The following ARMC9 variants were observed in gnomAD, a reference collection of about 807,000 sequenced individuals.
The protein encoded by ARMC9 is lisH domain-containing protein ARMC9.
Under a neutral mutation model 107.0 loss-of-function variants are expected in ARMC9, and 94 were observed. The observed-to-expected ratio is 0.88, with a 90% confidence interval of 0.74 to 1.04. The LOEUF is 1.04. Among genes scored for constraint, ARMC9 ranks in the 50% least tolerant of loss-of-function variants. ARMC9 has a pLI of 0.00. For missense variants in ARMC9, 942 were observed against 1,030.1 expected, an observed-to-expected ratio of 0.91 and a Z score of 1.17; for synonymous variants, 380 against 396.9, an observed-to-expected ratio of 0.96 and a Z score of 0.51.
intron 20 of ARMC9, among the ~76,000 whole-genome samples, chr2:231,335,075 C>T (rs1475009513): frequency 6.6e-6 from 1 of 152,162 alleles, no homozygotes; most frequent in African/African-American, 2.4e-5. Flanking sequence ...TTTGAGTGAA[C>T]CTGTGCCATC....
chr2:231,282,179 C>T, intron 17 of ARMC9, 46 bp downstream of exon 17: 1 of 1,587,938 alleles, frequency 6.3e-7, no homozygotes, highest in Non-Finnish European at 8.6e-7. Context: ...TTTAGTGCCA[C>T]AGTTCAGAGC....
chr2:231,229,649 G>C (rs984519103), intron 7 of ARMC9, among the ~76,000 whole-genome samples: 1 of 152,162 alleles, frequency 6.6e-6, no homozygotes, highest in African/African-American at 2.4e-5. Flanking sequence ...ATTTTAAAAA[G>C]TAATGACTCA....
chr2:231,281,932 G>T, intron 16 of ARMC9, 127 bp from the exon 17 acceptor site: 4 of 823,324 alleles, frequency 4.9e-6, no homozygotes, highest in Non-Finnish European at 8.2e-6. Flanking sequence ...TGGAGCACAG[G>T]AGAGCTGCGA....
At chr2:231,254,233 T>C (rs2037553643) in intron 9 of ARMC9, among the ~76,000 whole-genome samples, 1 of 152,200 alleles carries the variant, frequency 6.6e-6, no homozygotes, top group South Asian at 2.1e-4. Context: ...GTAGACCTTC[T>C]TAAGCAAGAC....
intron 7 of ARMC9, among the ~76,000 whole-genome samples, chr2:231,229,271 G>C (rs528487416): frequency 1.3e-5 from 2 of 152,242 alleles, no homozygotes; most frequent in Non-Finnish European, 1.5e-5. Flanking sequence ...AATAACCAAA[G>C]GCACAGACAT....
chr2:231,274,351 T>G (rs2039590343), intron 14 of ARMC9, among the ~76,000 whole-genome samples: 1 of 151,944 alleles, frequency 6.6e-6, no homozygotes, highest in Admixed American at 6.6e-5. Flanking sequence ...CTCCTAACCT[T>G]GTGATCCACC....
chr2:231,208,027 A>T (rs1433916337), intron 2 of ARMC9, 100 bp from the exon 3 acceptor site: 2 of 610,786 alleles, frequency 3.3e-6, no homozygotes, highest in Non-Finnish European at 5.7e-6. Flanking sequence ...GGTCTTTTTA[A>T]TGTCTTCTTT....
intron 11 of ARMC9, among the ~76,000 whole-genome samples, chr2:231,260,687 C>T (rs546274300): frequency 3.9e-5 from 6 of 152,240 alleles, no homozygotes; most frequent in South Asian, 2.1e-4. Context: ...CCACGGTGGC[C>T]GTTTCCTCCC....
At chr2:231,272,830 G>A in intron 13 of ARMC9, 125 bp from the exon 14 acceptor site, 1 of 1,297,334 alleles carries the variant, frequency 7.7e-7, no homozygotes, top group South Asian at 1.4e-5. Context: ...AAGTTTTTTA[G>A]AACATAAAAT....
At chr2:231,239,460 C>G (rs1416620330) in intron 8 of ARMC9, among the ~76,000 whole-genome samples, 3 of 152,206 alleles carry the variant, frequency 2.0e-5, no homozygotes, top group Non-Finnish European at 4.4e-5. Context: ...CTAGGCATAT[C>G]TGTGACCTCA....
chr2:231,330,681 G>A (rs2043670373), intron 19 of ARMC9, among the ~76,000 whole-genome samples: 1 of 152,194 alleles, frequency 6.6e-6, no homozygotes, highest in South Asian at 2.1e-4. Flanking sequence ...TACAGCTGGG[G>A]CTCCTGAGGC....
chr2:231,278,303 T>G, intron 15 of ARMC9, 79 bp from the exon 16 acceptor site: 1 of 1,426,342 alleles, frequency 7.0e-7, no homozygotes, highest in African/African-American at 1.4e-5. Flanking sequence ...AGCCAAGATT[T>G]GTCTCCAAGT....
intron 5 of ARMC9, 116 bp downstream of exon 5, chr2:231,216,909 G>T: frequency 8.0e-7 from 1 of 1,251,042 alleles, no homozygotes; most frequent in South Asian, 1.6e-5. Flanking sequence ...GCTTACATTA[G>T]TATTATTTTT....
chr2:231,320,746 A>T (rs56388627), intron 19 of ARMC9, among the ~76,000 whole-genome samples: 17,752 of 151,992 alleles, frequency 0.12, 2,174 homozygotes, highest in East Asian at 0.31. Flanking sequence ...AGGTGAGCTG[A>T]TGGTCACAGC....
chr2:231,352,654 G>T (rs984341692), intron 21 of ARMC9, among the ~76,000 whole-genome samples: 1 of 127,106 alleles, frequency 7.9e-6, no homozygotes, highest in African/African-American at 3.4e-5. Context: ...ATAATCAGAT[G>T]TTCACAGGAT....
intron 9 of ARMC9, among the ~76,000 whole-genome samples, chr2:231,241,994 C>T (rs984790972): frequency 6.6e-6 from 1 of 152,188 alleles, no homozygotes; most frequent in Non-Finnish European, 1.5e-5. Context: ...ATATGTGCTG[C>T]ATATGCAGGC....
chr2:231,239,441 T>C (rs557980556), intron 8 of ARMC9, among the ~76,000 whole-genome samples: 15 of 152,202 alleles, frequency 9.9e-5, no homozygotes, highest in Non-Finnish European at 2.2e-4. Context: ...CCAAGCCACC[T>C]GTCATGTGCT....
At chr2:231,345,339 G>A (rs1402917209) in intron 21 of ARMC9, 7 of 571,234 alleles carry the variant, frequency 1.2e-5, no homozygotes, top group Non-Finnish European at 2.7e-6. Flanking sequence ...GACAAATGTT[G>A]GCCAGAGTAA....
Position 231,321,521 on chromosome 2 carries a change from C to T in ARMC9, c.1774-10272C>T, listed in dbSNP as rs1330266133. Among the ~76,000 whole-genome samples, 6 of 152,026 alleles carry T rather than the reference C, an allele frequency of 3.9e-5. No homozygotes were observed. The East Asian group carries it at 1.2e-3, about 29-fold the overall frequency. ...TATATTGAATAATAGTTTTTTTTGT[C>T]TTTATGACATTCCTGCTGGCATGTA... On this transcript the variant is annotated intron_variant, in intron 19 of 24. Coordinates refer to ENST00000611582, the MANE Select transcript of ARMC9 (RefSeq NM_001352754.2).
Sources: allele counts gnomAD v4.1 joint callset (sites outside exome capture counted in the v4.1 genomes callset), GRCh38; gene constraint gnomAD v4.1.1; transcripts MANE v1.5; gene names NCBI Gene and HGNC (gene_info 2026-07-23, HGNC 2026-07-21).